Variants in UBXN7 observed in about 807,000 individuals in gnomAD.
UBXN7 encodes UBX domain protein 7.
Under a neutral mutation model 58.0 loss-of-function variants are expected in UBXN7, and 9 were observed. The observed-to-expected ratio is 0.16, with a 90% CI of 0.09 to 0.27. UBXN7 has a LOEUF of 0.27. UBXN7 is among the 10% of genes least tolerant of loss of function. The pLI, the probability that UBXN7 is intolerant of heterozygous loss-of-function variation, is 1.00. For synonymous variants in UBXN7, 208 were observed against 205.0 expected (o/e 1.01, Z -0.12); for missense variants, 328 against 599.6 (o/e 0.55, Z 4.73).
intron 5 of UBXN7, among the ~76,000 whole-genome samples, chr3:196,386,253 G>A (rs1729392066): frequency 1.3e-5 from 2 of 151,834 alleles, no homozygotes; most frequent in South Asian, 4.2e-4. Flanking sequence ...AGGCAGCAGG[G>A]CCCTCTGCGT....
chr3:196,415,750 C>A (rs1211794224), intron 1 of UBXN7, among the ~76,000 whole-genome samples: 6 of 151,640 alleles, frequency 4.0e-5, no homozygotes, highest in African/African-American at 1.5e-4. Context: ...CCACTGCACT[C>A]CAGCCTGGTG....
intron 5 of UBXN7, among the ~76,000 whole-genome samples, chr3:196,386,865 A>G (rs556662166): frequency 6.6e-6 from 1 of 152,224 alleles, no homozygotes; most frequent in Non-Finnish European, 1.5e-5. Flanking sequence ...AAACTACTTT[A>G]AAGTTCGTAT....
In UBXN7 at chr3:196,356,546, C is replaced by A. The variant is rs1356512687; in HGVS notation, c.*139G>T. On this transcript the variant is annotated 3_prime_UTR_variant, in exon 11 of 11. Transcript: ENST00000296328. ...GAAAGAGACTGATTATAGGAGAGAT[C>A]AAGAAATAAGAGAAGGAAGGTGACT... 4.5e-6 allele frequency: 4 copies of A among 890,512 alleles called. No individual in the cohort carries two copies. The highest frequency in any genetic ancestry group is 6.7e-6 in the Non-Finnish European group (4 of 595,064). 55.2% of individuals were successfully genotyped at this position (890,512 alleles called of 1,614,324 possible). A position where few individuals can be genotyped will look rare whatever the true frequency, so the allele number is the denominator to read the frequency against.
chr3:196,428,740 G>T (rs1361070869), intron 1 of UBXN7, among the ~76,000 whole-genome samples: 1 of 148,856 alleles, frequency 6.7e-6, no homozygotes, highest in African/African-American at 2.5e-5. Context: ...AAAAAATAAA[G>T]AAAGTTACCC....
intron 2 of UBXN7, among the ~76,000 whole-genome samples, chr3:196,403,471 G>A (rs1464746463): frequency 2.6e-5 from 4 of 152,254 alleles, no homozygotes; most frequent in Non-Finnish European, 1.5e-5. Context: ...TGATAAATGA[G>A]TTTTAGATAG....
At chr3:196,431,733 C>A (rs1245619491) in intron 1 of UBXN7, 1 of 449,158 alleles carries the variant, frequency 2.2e-6, no homozygotes. Flanking sequence ...CAGCACCCCC[C>A]GCTTCTGGCG....
chr3:196,375,789 G>A (rs576412602), intron 5 of UBXN7, among the ~76,000 whole-genome samples: 21 of 152,330 alleles, frequency 1.4e-4, no homozygotes, highest in South Asian at 8.3e-4. Context: ...AGCACTTTGG[G>A]AGGCCGATGT....
chr3:196,370,665 T>C (rs982503359), intron 6 of UBXN7, among the ~76,000 whole-genome samples: 1 of 151,516 alleles, frequency 6.6e-6, no homozygotes, highest in African/African-American at 2.4e-5. Context: ...TATCTTACAG[T>C]AGGGGAAAAA....
chr3:196,421,205 A>T (rs969800679), intron 1 of UBXN7, among the ~76,000 whole-genome samples: 1 of 152,224 alleles, frequency 6.6e-6, no homozygotes, highest in Non-Finnish European at 1.5e-5. Context: ...AACATTCATT[A>T]GTTCACAAAA....
intron 1 of UBXN7, among the ~76,000 whole-genome samples, chr3:196,423,168 C>T (rs148396335): frequency 1.9e-4 from 29 of 152,350 alleles, no homozygotes; most frequent in Middle Eastern, 3.4e-3. Flanking sequence ...CCAGTCACCA[C>T]CTGGTCTGGG....
In UBXN7 at chr3:196,352,909, AAAAAG is replaced by A. The variant is rs1304407280; in HGVS notation, c.*3771_*3775del. 2 of 152,190 alleles carry A rather than the reference AAAAAG, an allele frequency of 1.3e-5. No homozygotes were observed. The highest frequency in any genetic ancestry group is 4.8e-5 in the African/African-American group (2 of 41,454). 9.4% of individuals were successfully genotyped at this position (152,190 alleles called of 1,614,324 possible). ...TGTATCTTTTCTGAAAAATGTTTAA[AAAAAG>A]AAAAAATTGTTTTTTTACCCTTTTC... On this transcript the variant is annotated 3_prime_UTR_variant, in exon 11 of 11. Transcript: ENST00000296328. The surrounding 1 kb of genome is among the most constrained non-coding windows in gnomAD (Gnocchi z 4.1).
intron 5 of UBXN7, among the ~76,000 whole-genome samples, chr3:196,373,538 A>C (rs1728902925): frequency 6.6e-6 from 1 of 152,206 alleles, no homozygotes; most frequent in Non-Finnish European, 1.5e-5. Flanking sequence ...TCAGTGTGAC[A>C]TGGGAAAATC....
chr3:196,392,025 G>T lies in UBXN7; in HGVS notation c.356-100C>A, dbSNP rs1729599363. 4.3e-6 allele frequency: 3 copies of T among 692,328 alleles called. No homozygotes were observed. In the South Asian group the frequency reaches 6.2e-5, roughly 14 times the overall value. 42.9% of individuals were successfully genotyped at this position (692,328 alleles called of 1,614,324 possible). A position where few individuals can be genotyped will look rare whatever the true frequency, so the allele number is the denominator to read the frequency against. On this transcript the variant is annotated intron_variant, in intron 4 of 10. Coordinates refer to ENST00000296328, the MANE Select transcript of UBXN7 (RefSeq NM_015562.2). ...CAAACTTCTGTCAATTGAAGGAATTGCTGTCAATATGCTTGACCTCAAATA... is the reference window on the plus strand; with the variant it reads ...CAAACTTCTGTCAATTGAAGGAATTTCTGTCAATATGCTTGACCTCAAATA...
intron 10 of UBXN7, among the ~76,000 whole-genome samples, chr3:196,359,510 G>A (rs1037030874): frequency 1.3e-5 from 2 of 152,212 alleles, no homozygotes; most frequent in Non-Finnish European, 2.9e-5. Flanking sequence ...GTGGAAAGCT[G>A]AGACAGACAC....
intron 3 of UBXN7, among the ~76,000 whole-genome samples, chr3:196,394,787 G>A (rs1560232563): frequency 6.6e-6 from 1 of 152,138 alleles, no homozygotes; most frequent in Non-Finnish European, 1.5e-5. Context: ...CTATTTCTTA[G>A]GGATTGGATT....
At position 196,354,294 on chromosome 3, in the gene UBXN7, T is replaced by C. The variant is rs1226637198; in HGVS notation, c.*2391A>G. ...CAGTAACCCGAGTTGAAGAAGTTAC[T>C]TTGGTTTCTCATAAATGAATATGCA... On this transcript the variant is annotated 3_prime_UTR_variant, in exon 11 of 11. Transcript: ENST00000296328. 1 of 152,248 alleles carries C rather than the reference T, an allele frequency of 6.6e-6. No individual in the cohort carries two copies. Among genetic ancestry groups the C allele is most frequent in the Non-Finnish European group, 1.5e-5 (1 of 68,040 alleles). The allele number at this position is 152,248 out of a possible 1,614,324, so 9.4% of individuals were successfully genotyped here.
At chr3:196,414,193 C>T (rs1197750394) in intron 1 of UBXN7, among the ~76,000 whole-genome samples, 4 of 152,066 alleles carry the variant, frequency 2.6e-5, no homozygotes, top group Non-Finnish European at 2.9e-5. Flanking sequence ...CCATGTTGGC[C>T]AGGCTGGTCT....
chr3:196,375,267 CT>C (rs1406301261), intron 5 of UBXN7, among the ~76,000 whole-genome samples: 1 of 149,478 alleles, frequency 6.7e-6, no homozygotes, highest in Non-Finnish European at 1.5e-5. Context: ...GGTTAATTTG[CT>C]TGACTGTAGT....
intron 7 of UBXN7, 51 bp from the exon 8 acceptor site, chr3:196,368,206 T>C (rs1577436868): frequency 6.5e-7 from 1 of 1,535,640 alleles, no homozygotes; most frequent in East Asian, 2.4e-5. Context: ...CTAGAATCCT[T>C]CTGAACATTC....
Sources: gnomAD v4.1 joint callset for allele counts (sites outside exome capture counted in the v4.1 genomes callset) on GRCh38, gnomAD v4.1.1 for gene constraint, Gnocchi (gnomAD v3.1) non-coding constraint, MANE v1.5 for transcripts, NCBI Gene and HGNC (gene_info 2026-07-23, HGNC 2026-07-21) for gene names.